Variants in CDH2 observed in about 807,000 individuals in gnomAD.
CDH2 encodes cadherin 2, also known as cadherin-2.
CDH2 carries 17 observed loss-of-function variants against 92.0 expected under a neutral mutation model. The observed-to-expected ratio is 0.18, with a 90% CI of 0.13 to 0.28. The LOEUF is 0.28. Among genes scored for constraint, CDH2 ranks in the 10% least tolerant of loss-of-function variants. The pLI, the probability that CDH2 is intolerant of heterozygous loss-of-function variation, is 1.00. For synonymous variants in CDH2, 419 were observed against 415.9 expected (o/e 1.01, Z -0.09); for missense variants, 862 against 1,133.1 (o/e 0.76, Z 3.44).
chr18:28,099,641 A>C (rs1004743923), intron 2 of CDH2, among the ~76,000 whole-genome samples: 4 of 152,192 alleles, frequency 2.6e-5, no homozygotes, highest in Non-Finnish European at 5.9e-5. Flanking sequence ...GTTAGGGAGA[A>C]GAGCAGGTAA....
chr18:28,128,066 T>G, intron 2 of CDH2, among the ~76,000 whole-genome samples: 1 of 152,330 alleles, frequency 6.6e-6, no homozygotes, highest in South Asian at 2.1e-4. Context: ...ATTCCCAGGA[T>G]ATTTGATTAA....
chr18:27,936,882 A>G (rs1394703847), intron 6 of CDH2, among the ~76,000 whole-genome samples: 1 of 152,154 alleles, frequency 6.6e-6, no homozygotes. Context: ...GCCTGGGCTC[A>G]AAAAAACTTG....
chr18:28,075,492 CAG>C (rs1232004706), intron 2 of CDH2, among the ~76,000 whole-genome samples: 1 of 152,140 alleles, frequency 6.6e-6, no homozygotes, highest in African/African-American at 2.4e-5. Context: ...GATGAACAAA[CAG>C]GGAACTGACA....
chr18:28,044,056 G>A (rs2014019941), intron 2 of CDH2, among the ~76,000 whole-genome samples: 1 of 151,968 alleles, frequency 6.6e-6, no homozygotes, highest in East Asian at 1.9e-4. Context: ...GGGATTACAG[G>A]CACCTGCCAC....
intron 2 of CDH2, among the ~76,000 whole-genome samples, chr18:28,064,268 T>G (rs920529032): frequency 2.6e-5 from 4 of 152,126 alleles, no homozygotes; most frequent in African/African-American, 7.2e-5. Flanking sequence ...TTTTTAAAAA[T>G]TTTATTAACA....
At chr18:28,135,975 C>G (rs922061711) in intron 2 of CDH2, among the ~76,000 whole-genome samples, 5 of 152,170 alleles carry the variant, frequency 3.3e-5, no homozygotes, top group African/African-American at 1.2e-4. Flanking sequence ...TACTTCCTTA[C>G]ACAAAACATA....
chr18:28,060,182 T>C (rs146147596), intron 2 of CDH2, among the ~76,000 whole-genome samples: 19 of 152,220 alleles, frequency 1.2e-4, no homozygotes, highest in African/African-American at 4.1e-4. Context: ...CCTTTACTTA[T>C]CATCATCATT....
At chr18:28,144,111 T>C (rs11874635) in intron 2 of CDH2, among the ~76,000 whole-genome samples, 17,126 of 151,548 alleles carry the variant, frequency 0.11, 3,204 homozygotes, top group African/African-American at 0.39. Flanking sequence ...ACATGTATAC[T>C]TATGTAACAA....
At chr18:28,122,348 T>C (rs1352350476) in intron 2 of CDH2, among the ~76,000 whole-genome samples, 2 of 152,188 alleles carry the variant, frequency 1.3e-5, no homozygotes, top group Admixed American at 6.6e-5. Context: ...TTCAGTGTTG[T>C]ACTATGGTAT....
At chr18:27,949,917 C>G (rs1909370625), downstream of CDH2, among the ~76,000 whole-genome samples, 1 of 151,802 alleles carries the variant, frequency 6.6e-6, no homozygotes, top group African/African-American at 2.4e-5. Flanking sequence ...AATTGTACAT[C>G]AACCATAAGA....
intron 2 of CDH2, among the ~76,000 whole-genome samples, chr18:28,079,059 C>T (rs977593528): frequency 3.3e-5 from 5 of 152,190 alleles, no homozygotes; most frequent in African/African-American, 1.2e-4. Context: ...TACCTAGCAA[C>T]TTAGTAAATC....
At chr18:27,968,900 A>G (rs1023140163) in intron 14 of CDH2, among the ~76,000 whole-genome samples, 1 of 152,314 alleles carries the variant, frequency 6.6e-6, no homozygotes, top group African/African-American at 2.4e-5. Flanking sequence ...ACAAAAAGAA[A>G]TGGAAGGTGG....
At chr18:27,936,562 C>G (rs1909024250) in intron 6 of CDH2, among the ~76,000 whole-genome samples, 1 of 152,020 alleles carries the variant, frequency 6.6e-6, no homozygotes, top group Non-Finnish European at 1.5e-5. Flanking sequence ...CAGAATCTCA[C>G]TCTGTCACCC....
chr18:28,026,008 A>G (rs2013544285), intron 2 of CDH2, among the ~76,000 whole-genome samples: 1 of 152,100 alleles, frequency 6.6e-6, no homozygotes, highest in African/African-American at 2.4e-5. Context: ...GGGGGCATGG[A>G]TTCTAGTGGC....
chr18:28,040,492 T>C (rs1008029250), intron 2 of CDH2, among the ~76,000 whole-genome samples: 3 of 152,198 alleles, frequency 2.0e-5, no homozygotes, highest in African/African-American at 7.2e-5. Flanking sequence ...ATAAAAATTA[T>C]GTTCCAACAA....
intron 2 of CDH2, among the ~76,000 whole-genome samples, chr18:28,066,103 G>A (rs958905162): frequency 6.6e-6 from 1 of 152,132 alleles, no homozygotes; most frequent in Non-Finnish European, 1.5e-5. Context: ...GTGTCACAAT[G>A]CTCTCTGATA....
intron 2 of CDH2, among the ~76,000 whole-genome samples, chr18:28,096,096 C>T (rs1408127859): frequency 6.6e-6 from 1 of 152,030 alleles, no homozygotes; most frequent in South Asian, 2.1e-4. Flanking sequence ...AAGTGGAAAC[C>T]CAACAGTATG....
At chr18:28,174,962 G>A (rs2016515718) in intron 1 of CDH2, among the ~76,000 whole-genome samples, 1 of 151,942 alleles carries the variant, frequency 6.6e-6, no homozygotes, top group South Asian at 2.1e-4. Context: ...CATCTCCTTT[G>A]TTAAAAAAAA....
At chr18:28,017,066 C>T (rs952374388) in intron 2 of CDH2, among the ~76,000 whole-genome samples, 1 of 151,976 alleles carries the variant, frequency 6.6e-6, no homozygotes. Flanking sequence ...TTCATCATTG[C>T]TCTGTTGTAG....
Sources: allele counts gnomAD v4.1 joint callset (sites outside exome capture counted in the v4.1 genomes callset), GRCh38; gene constraint gnomAD v4.1.1; transcripts MANE v1.5; gene names NCBI Gene and HGNC (gene_info 2026-07-23, HGNC 2026-07-21).